Variants in PHF6 observed in about 807,000 individuals in gnomAD.
PHF6 encodes the protein PHD finger protein 6.
A neutral mutation model predicts 34.0 loss-of-function variants in PHF6; 7 were observed. The observed-to-expected ratio is 0.21, with a 90% confidence interval of 0.12 to 0.39. The LOEUF (loss-of-function observed/expected upper bound fraction) is 0.39, where lower values mean the gene tolerates loss of function less well. PHF6 is among the 10% of genes least tolerant of loss of function. The pLI is 1.00. For missense variants in PHF6, 128 were observed against 262.8 expected (o/e 0.49, Z 3.55); for synonymous variants, 89 against 88.4 (o/e 1.01, Z -0.04).
At chrX:134,394,733 G>T (rs2077369937) in intron 5 of PHF6, among the ~76,000 whole-genome samples, 2 of 109,091 alleles carry the variant, frequency 1.8e-5, no homozygotes, top group Admixed American at 9.8e-5. Context: ...TAGAGATGGG[G>T]TTTCACCGTG....
At chrX:134,408,705 T>TG (rs2077436025) in intron 5 of PHF6, among the ~76,000 whole-genome samples, 1 of 111,818 alleles carries the variant, frequency 8.9e-6, no homozygotes, top group African/African-American at 3.3e-5. Flanking sequence ...TATATGCAAA[T>TG]GATCTTCCAA....
chrX:134,380,805 G>A (rs773744453), intron 3 of PHF6, among the ~76,000 whole-genome samples: 5 of 111,976 alleles, frequency 4.5e-5, no homozygotes, highest in African/African-American at 1.6e-4. Context: ...GGTGGTGCTG[G>A]GCACATGGTT....
chrX:134,413,414 CAT>C (rs1226201229), intron 5 of PHF6, 75 bp from the exon 6 acceptor site: 149 of 1,041,125 alleles, frequency 1.4e-4, no homozygotes, highest in Non-Finnish European at 1.9e-4. Context: ...TAAGGAGAAA[CAT>C]ATGTCCTAAA....
At chrX:134,391,190 T>G (rs757206196) in intron 3 of PHF6, among the ~76,000 whole-genome samples, 1 of 110,258 alleles carries the variant, frequency 9.1e-6, no homozygotes, top group South Asian at 3.8e-4. Context: ...GTCAGGCTGG[T>G]CTTGAACTCC....
intron 1 of PHF6, among the ~76,000 whole-genome samples, chrX:134,376,413 G>T (rs1327852697): frequency 8.9e-6 from 1 of 111,826 alleles, no homozygotes; most frequent in Non-Finnish European, 1.9e-5. Flanking sequence ...CCTGGATCTT[G>T]AACTGCTTAG....
In PHF6 at chrX:134,426,459, C is replaced by T. The variant is rs990779502; in HGVS notation, c.*799C>T. On this transcript the variant is annotated 3_prime_UTR_variant, in exon 11 of 11. Coordinates refer to ENST00000370803, the MANE Select transcript of PHF6 (RefSeq NM_001015877.2). ...TGCTAAGGACTTCAGACACCATGTC[C>T]GAAACCTGTTCCTCTCAAGTGCCCT... 1.2e-5 allele frequency: 2 copies of T among 161,299 alleles called. No homozygotes were observed. Among genetic ancestry groups the T allele is most frequent in the Admixed American group, 8.2e-5 (1 of 12,166 alleles). 13.3% of individuals were successfully genotyped at this position (161,299 alleles called of 1,213,427 possible).
intron 8 of PHF6, among the ~76,000 whole-genome samples, chrX:134,415,639 T>G (rs1480502258): frequency 8.9e-6 from 1 of 112,435 alleles, no homozygotes; most frequent in Non-Finnish European, 1.9e-5. Context: ...GATCGCTTAC[T>G]CCTTTAACAC....
intron 5 of PHF6, among the ~76,000 whole-genome samples, chrX:134,400,975 A>G (rs1382635629): frequency 1.8e-5 from 2 of 112,149 alleles, no homozygotes; most frequent in Admixed American, 9.5e-5. Context: ...ACAAGAAACA[A>G]GAAAGCATCA....
rs184986685 is a variant in PHF6, at chrX:134,386,035, A to C, written c.241-7466A>C. On this transcript the variant is annotated intron_variant, in intron 3 of 10. Coordinates refer to ENST00000370803, the MANE Select transcript of PHF6 (RefSeq NM_001015877.2). The stretch of plus-strand genomic sequence containing the variant: ...CTGGGAAAGAGGATCACAATTAATT[A>C]TGAGAAGTCAGAAGGCTCCATAGAA... 3.6e-5 allele frequency among the ~76,000 whole-genome samples: 4 copies of C among 112,053 alleles called. No homozygotes were observed. In the East Asian group the frequency reaches 1.1e-3, roughly 32 times the overall value.
At chrX:134,398,074 G>A (rs771930418) in intron 5 of PHF6, among the ~76,000 whole-genome samples, 20 of 111,659 alleles carry the variant, frequency 1.8e-4, no homozygotes, top group Non-Finnish European at 3.0e-4. Flanking sequence ...TGCTTCCAAG[G>A]AATTGATAGA....
chrX:134,379,592 G>A (rs12558520), intron 3 of PHF6, among the ~76,000 whole-genome samples: 8 of 108,680 alleles, frequency 7.4e-5, no homozygotes, highest in South Asian at 4.0e-4. Context: ...ACAGGCATGC[G>A]CCACCATGTC....
chrX:134,386,824 T>C (rs1569336749), intron 3 of PHF6, among the ~76,000 whole-genome samples: 3 of 112,343 alleles, frequency 2.7e-5, no homozygotes, highest in African/African-American at 9.7e-5. Flanking sequence ...TTGTAAGCTA[T>C]GTGGTCTCAG....
chrX:134,374,356 G>C (rs905147481), intron 1 of PHF6, among the ~76,000 whole-genome samples: 1 of 112,106 alleles, frequency 8.9e-6, no homozygotes, highest in Non-Finnish European at 1.9e-5. Context: ...TGAAACAACT[G>C]GAAAATTCCT....
At chrX:134,401,218 CTTCTT>C (rs779638541) in intron 5 of PHF6, among the ~76,000 whole-genome samples, 1 of 111,470 alleles carries the variant, frequency 9.0e-6, no homozygotes, top group South Asian at 3.7e-4. Flanking sequence ...ATTGTCTTCT[CTTCTT>C]AACCACTGTT....
intron 3 of PHF6, among the ~76,000 whole-genome samples, chrX:134,380,592 A>G (rs2077303103): frequency 9.0e-6 from 1 of 111,651 alleles, no homozygotes; most frequent in African/African-American, 3.3e-5. Context: ...GGAATGGAAC[A>G]ATACTGGGAA....
intron 1 of PHF6, among the ~76,000 whole-genome samples, 191 bp from the exon 2 acceptor site, chrX:134,377,381 A>G (rs1020817772): frequency 8.9e-6 from 1 of 111,970 alleles, no homozygotes; most frequent in Non-Finnish European, 1.9e-5. Flanking sequence ...TTAAAACAAA[A>G]TGAACTTTGT....
intron 3 of PHF6, among the ~76,000 whole-genome samples, chrX:134,383,500 C>T (rs958091566): frequency 2.7e-5 from 3 of 111,008 alleles, no homozygotes; most frequent in African/African-American, 6.6e-5. Context: ...CACTCCTAAA[C>T]GTTCCCTTTT....
chrX:134,393,702 T>A, intron 4 of PHF6, 68 bp downstream of exon 4: 1 of 1,045,590 alleles, frequency 9.6e-7, no homozygotes, highest in South Asian at 2.1e-5. Flanking sequence ...TTTGTAAAAA[T>A]TTTTCCCATT....
intron 5 of PHF6, among the ~76,000 whole-genome samples, chrX:134,404,782 C>T (rs1241515492): frequency 1.8e-5 from 2 of 111,944 alleles, no homozygotes; most frequent in East Asian, 2.8e-4. Flanking sequence ...CCTTCACCAG[C>T]GAAAAGATTA....
Sources: gnomAD v4.1 joint callset for allele counts (sites outside exome capture counted in the v4.1 genomes callset) on GRCh38, gnomAD v4.1.1 for gene constraint, MANE v1.5 for transcripts, NCBI Gene and HGNC (gene_info 2026-07-23, HGNC 2026-07-21) for gene names.